Variants in NDST3 observed in about 807,000 individuals in gnomAD.
NDST3 encodes the protein N-deacetylase and N-sulfotransferase 3, also known as bifunctional heparan sulfate N-deacetylase/N-sulfotransferase 3.
Under a neutral mutation model 96.1 loss-of-function variants are expected in NDST3, and 58 were observed. The ratio of observed to expected loss-of-function variants is 0.60; its 90% CI spans 0.49 to 0.75. The LOEUF (loss-of-function observed/expected upper bound fraction) is 0.75, where lower values mean the gene tolerates loss of function less well. NDST3 is among the 30% of genes least tolerant of loss of function. The pLI is 0.00. For missense variants in NDST3, 788 were observed against 1,034.2 expected, an observed-to-expected ratio of 0.76 and a Z score of 3.27; for synonymous variants, 333 against 359.7, an observed-to-expected ratio of 0.93 and a Z score of 0.84.
At chr4:118,070,980 T>A (rs972717686) in intron 2 of NDST3, among the ~76,000 whole-genome samples, 2 of 152,098 alleles carry the variant, frequency 1.3e-5, no homozygotes, top group African/African-American at 4.8e-5. Context: ...CATGAACTTG[T>A]TTTTTGTCCT....
chr4:118,090,756 T>C (rs1335130967), intron 2 of NDST3, among the ~76,000 whole-genome samples: 2 of 151,850 alleles, frequency 1.3e-5, no homozygotes, highest in African/African-American at 2.4e-5. Flanking sequence ...CATAAGCAAT[T>C]TTCAAATGTC....
intron 8 of NDST3, among the ~76,000 whole-genome samples, 168 bp downstream of exon 8, chr4:118,227,150 C>T (rs999172109): frequency 1.3e-5 from 2 of 151,708 alleles, no homozygotes; most frequent in African/African-American, 2.4e-5. Flanking sequence ...AAATGCTTAT[C>T]GAAGTGTTTT....
At chr4:118,070,221 G>A (rs1427986707) in intron 2 of NDST3, among the ~76,000 whole-genome samples, 1 of 152,106 alleles carries the variant, frequency 6.6e-6, no homozygotes, top group African/African-American at 2.4e-5. Context: ...TTCTAACTCT[G>A]TGAAATTCTT....
chr4:118,164,264 C>G (rs1234563730), intron 6 of NDST3, among the ~76,000 whole-genome samples: 8 of 152,170 alleles, frequency 5.3e-5, no homozygotes, highest in Non-Finnish European at 1.2e-4. Context: ...ACCACATGTT[C>G]TCACTTATAA....
intron 6 of NDST3, chr4:118,194,254 A>G: frequency 5.5e-6 from 4 of 723,578 alleles, no homozygotes; most frequent in South Asian, 4.5e-5. Flanking sequence ...CCATGATAGC[A>G]CCCTCATTGG....
intron 6 of NDST3, among the ~76,000 whole-genome samples, chr4:118,161,502 C>T (rs916710170): frequency 6.6e-6 from 1 of 152,174 alleles, no homozygotes; most frequent in African/African-American, 2.4e-5. Flanking sequence ...AAGCAGGCCT[C>T]CTTGAGCTGT....
In NDST3 at chr4:118,218,058, C is replaced by T. The variant is rs547560360; in HGVS notation, c.1540-6433C>T. 3.9e-5 allele frequency among the ~76,000 whole-genome samples: 6 copies of T among 152,042 alleles called. No homozygotes were observed. In the East Asian group the frequency reaches 1.2e-3, roughly 29 times the overall value. ...TGAAATTGAGGCAGTAATTAATAGC[C>T]TACCAACCAAAAAAAAGCCCAAGAC... On this transcript the variant is annotated intron_variant, in intron 6 of 13. Coordinates refer to ENST00000296499, the MANE Select transcript of NDST3 (RefSeq NM_004784.3).
chr4:118,182,636 T>C (rs578146528), intron 6 of NDST3, among the ~76,000 whole-genome samples: 74 of 152,282 alleles, frequency 4.9e-4, no homozygotes, highest in Non-Finnish European at 8.8e-4. Context: ...TTCTAGGCCA[T>C]TCAGCTGGCT....
chr4:118,126,537 C>CATATATATATACACATATAT (rs1553933947), intron 4 of NDST3, among the ~76,000 whole-genome samples: 2 of 20,302 alleles, frequency 9.9e-5, no homozygotes, highest in African/African-American at 1.5e-4. Context: ...TATATATACA[C>CATATATATATACACATATAT]ATATATATAT....
At chr4:118,044,213 G>T (rs1223970948) in intron 1 of NDST3, among the ~76,000 whole-genome samples, 1 of 152,182 alleles carries the variant, frequency 6.6e-6, no homozygotes, top group Non-Finnish European at 1.5e-5. Flanking sequence ...AAATTGAAAC[G>T]TAGAAATGGG....
intron 2 of NDST3, among the ~76,000 whole-genome samples, chr4:118,072,432 G>A (rs1727158215): frequency 1.3e-5 from 2 of 152,006 alleles, no homozygotes; most frequent in African/African-American, 4.8e-5. Flanking sequence ...TCTCCTTGTA[G>A]AAATCTTTGA....
At chr4:118,143,443 G>A in intron 5 of NDST3, 113 bp from the exon 6 acceptor site, 1 of 1,101,392 alleles carries the variant, frequency 9.1e-7, no homozygotes, top group Non-Finnish European at 1.3e-6. Context: ...GCCCTGGTTA[G>A]ACCTGAATAA....
intron 6 of NDST3, among the ~76,000 whole-genome samples, chr4:118,166,171 AC>A (rs1181821283): frequency 7.9e-5 from 12 of 151,836 alleles, no homozygotes; most frequent in Non-Finnish European, 1.8e-4. Context: ...TTAGTTACTA[AC>A]AAAAAAGGAA....
chr4:118,050,257 A>C lies in NDST3; in HGVS notation c.-155-3499A>C, dbSNP rs146522179. On this transcript the variant is annotated intron_variant, in intron 1 of 13. Transcript: ENST00000296499. ...TAAAATAATAAGAGACATCTATGAC[A>C]AACTCACAGCCAATGTCATACTGAA... Among the ~76,000 whole-genome samples, 271 of 152,242 alleles carry C rather than the reference A, an allele frequency of 1.8e-3. 1 individual carries two copies. Among genetic ancestry groups the C allele is most frequent in the South Asian group, 6.6e-3 (32 of 4,822 alleles).
intron 4 of NDST3, among the ~76,000 whole-genome samples, chr4:118,129,272 T>C (rs1032244341): frequency 3.3e-5 from 5 of 151,946 alleles, no homozygotes; most frequent in African/African-American, 9.7e-5. Flanking sequence ...TTAAGATGCA[T>C]TGTTAGATTA....
intron 6 of NDST3, among the ~76,000 whole-genome samples, chr4:118,199,020 C>T (rs1379854147): frequency 6.6e-6 from 1 of 152,010 alleles, no homozygotes; most frequent in African/African-American, 2.4e-5. Flanking sequence ...TACCAGATGC[C>T]TTGAGTTAGT....
intron 6 of NDST3, among the ~76,000 whole-genome samples, chr4:118,152,785 A>C (rs189287880): frequency 6.6e-6 from 1 of 152,326 alleles, no homozygotes; most frequent in African/African-American, 2.4e-5. Flanking sequence ...AATTAATCTT[A>C]CAAATGGCCC....
At chr4:118,213,972 G>C (rs1177341855) in intron 6 of NDST3, among the ~76,000 whole-genome samples, 2 of 152,032 alleles carry the variant, frequency 1.3e-5, no homozygotes, top group Admixed American at 6.6e-5. Context: ...ATATAATAAA[G>C]AGTACAACCT....
chr4:118,069,862 G>T (rs1281269716), intron 2 of NDST3, among the ~76,000 whole-genome samples: 4 of 59,642 alleles, frequency 6.7e-5, no homozygotes, highest in Non-Finnish European at 2.5e-4. Flanking sequence ...GGAACAGCAT[G>T]TTCCTTTGTT....
Sources: allele counts gnomAD v4.1 joint callset (sites outside exome capture counted in the v4.1 genomes callset), GRCh38; gene constraint gnomAD v4.1.1; transcripts MANE v1.5; gene names NCBI Gene and HGNC (gene_info 2026-07-23, HGNC 2026-07-21).